USP24: variants seen among roughly 807,000 people sequenced by gnomAD.
The protein encoded by USP24 is ubiquitin specific peptidase 24.
A neutral mutation model predicts 361.6 loss-of-function variants in USP24; 97 were observed. The ratio of observed to expected loss-of-function variants is 0.27; its 90% CI spans 0.23 to 0.32. The LOEUF (loss-of-function observed/expected upper bound fraction) is 0.32. USP24 is among the 10% of genes least tolerant of loss of function. The probability of loss-of-function intolerance (pLI) is 1.00; values close to 1 mark genes in which losing one functional copy is unlikely to be tolerated. For missense variants in USP24, 2,353 were observed against 3,165.6 expected (o/e 0.74, Z 6.16); for synonymous variants, 1,098 against 1,124.6 (o/e 0.98, Z 0.47).
intron 49 of USP24, 136 bp from the exon 50 acceptor site, chr1:55,096,758 C>T: frequency 1.4e-6 from 2 of 1,393,034 alleles, no homozygotes; most frequent in Admixed American, 2.5e-5. Context: ...TATGTAGCAA[C>T]AATTATTTCA....
intron 38 of USP24, among the ~76,000 whole-genome samples, chr1:55,113,753 A>G (rs941988521): frequency 2.0e-5 from 3 of 152,298 alleles, no homozygotes; most frequent in Non-Finnish European, 2.9e-5. Flanking sequence ...TATTGATGGA[A>G]CGTATCTCAA....
intron 51 of USP24, among the ~76,000 whole-genome samples, chr1:55,094,500 T>C (rs565405700): frequency 3.1e-4 from 47 of 152,244 alleles, no homozygotes; most frequent in African/African-American, 1.1e-3. Context: ...GAACAAAGTA[T>C]TGAACCAAGT....
Position 55,068,819 on chromosome 1 carries a change from C to G in USP24, c.*226G>C. ...GTGAATCCACATATAGACCACGCTC[C>G]CGGGACAGCTGATCCACATGCCGGA... On this transcript the variant is annotated 3_prime_UTR_variant, in exon 68 of 68. Coordinates refer to ENST00000294383, the MANE Select transcript of USP24 (RefSeq NM_015306.3). 1 of 561,976 alleles carries G rather than the reference C, an allele frequency of 1.8e-6. No homozygotes were observed. The highest frequency in any genetic ancestry group is 2.9e-5 in the East Asian group (1 of 34,450). 34.8% of individuals were successfully genotyped at this position (561,976 alleles called of 1,614,324 possible). A position where few individuals can be genotyped will look rare whatever the true frequency, so the allele number is the denominator to read the frequency against.
At chr1:55,164,184 G>T (rs1361108546) in intron 7 of USP24, among the ~76,000 whole-genome samples, 1 of 151,608 alleles carries the variant, frequency 6.6e-6, no homozygotes, top group Admixed American at 6.6e-5. Flanking sequence ...TATGTTAAAT[G>T]AAAGTATACA....
intron 59 of USP24, among the ~76,000 whole-genome samples, chr1:55,080,395 C>T (rs1053204317): frequency 6.6e-6 from 1 of 152,138 alleles, no homozygotes; most frequent in Non-Finnish European, 1.5e-5. Context: ...AGTTTCCTGC[C>T]ATTAGATCTT....
At chr1:55,181,907 A>G (rs979029383) in intron 1 of USP24, among the ~76,000 whole-genome samples, 3 of 152,152 alleles carry the variant, frequency 2.0e-5, no homozygotes, top group Non-Finnish European at 2.9e-5. Flanking sequence ...CCCTAATCCA[A>G]TAAAACTTGT....
chr1:55,179,150 C>A (rs1401878500), intron 1 of USP24, among the ~76,000 whole-genome samples: 1 of 152,182 alleles, frequency 6.6e-6, no homozygotes, highest in Non-Finnish European at 1.5e-5. Context: ...AAGTCTCAGT[C>A]CTAACCTTAC....
chr1:55,123,173 C>T (rs923452524), intron 36 of USP24, among the ~76,000 whole-genome samples: 3 of 152,188 alleles, frequency 2.0e-5, no homozygotes, highest in Admixed American at 1.3e-4. Flanking sequence ...TAAATTTGGG[C>T]TCTTTGAATT....
intron 1 of USP24, among the ~76,000 whole-genome samples, chr1:55,180,765 C>T (rs1643942251): frequency 6.6e-6 from 1 of 152,340 alleles, no homozygotes. Flanking sequence ...CTTCACAGCA[C>T]TACTCACAGG....
rs772173773 is a variant in USP24, at chr1:55,125,469, G to A, written c.3811C>T (p.Arg1271Cys). ...TGCCGGCTGACATTTCGGAATGGGC[G>A]GGAAGAAAGTGCTTCTATACCATCT... ...TKDGIEALSS[R>C]PFRNVSRQTS... is the part of the protein sequence containing the mutation. The change falls in exon 34 of 68, where the codon CGC (arginine) becomes TGC (cysteine). Residue 1271 changes from arginine (R) to cysteine (C), a missense_variant. Arg to Cys is a radical substitution (Grantham distance 180, BLOSUM62 -3). Around this residue, in one of 8 missense-constraint regions of USP24, gnomAD observed 949 missense variants for 1,280.5 expected, o/e 0.74. Coordinates refer to ENST00000294383, the MANE Select transcript of USP24 (RefSeq NM_015306.3). The A allele has an allele frequency of 6.8e-6, 11 of 1,613,792 alleles. No individual in the cohort carries two copies. Among genetic ancestry groups the A allele is most frequent in the African/African-American group, 1.3e-5 (1 of 74,872 alleles).
chr1:55,185,932 T>C (rs997172548), intron 1 of USP24, among the ~76,000 whole-genome samples: 2 of 152,270 alleles, frequency 1.3e-5, no homozygotes, highest in Middle Eastern at 3.4e-3. Flanking sequence ...AACAAATGTA[T>C]GCTAACAAAT....
chr1:55,171,944 C>G (rs1371464452), intron 4 of USP24, among the ~76,000 whole-genome samples: 2 of 152,012 alleles, frequency 1.3e-5, no homozygotes, highest in Non-Finnish European at 2.9e-5. Flanking sequence ...TGCCAATGCC[C>G]CAAGTGTGCT....
intron 67 of USP24, among the ~76,000 whole-genome samples, chr1:55,069,775 G>A (rs1181366190): frequency 6.7e-6 from 1 of 148,482 alleles, no homozygotes; most frequent in Non-Finnish European, 1.5e-5. Context: ...GGGAGGCTGA[G>A]GCAAGGAGAA....
At chr1:55,128,527 GC>G (rs1327749407) in intron 32 of USP24, among the ~76,000 whole-genome samples, 2 of 151,820 alleles carry the variant, frequency 1.3e-5, no homozygotes, top group African/African-American at 4.8e-5. Context: ...AGCTTGGAGT[GC>G]CCCTTCCCTC....
chr1:55,073,949 C>G, intron 63 of USP24, 43 bp from the exon 64 acceptor site: 3 of 1,489,672 alleles, frequency 2.0e-6, no homozygotes, highest in South Asian at 2.5e-5. Context: ...AAAGACTCAA[C>G]TGAAAATGGC....
chr1:55,110,162 C>G (rs759483121), intron 39 of USP24, 23 bp downstream of exon 39: 8 of 1,538,236 alleles, frequency 5.2e-6, no homozygotes, highest in Admixed American at 2.0e-5. Flanking sequence ...CCCCTCTCCC[C>G]TACATATTAG....
At chr1:55,079,740 C>G (rs1645104874) in intron 59 of USP24, 81 bp from the exon 60 acceptor site, 2 of 1,294,770 alleles carry the variant, frequency 1.5e-6, no homozygotes, top group Non-Finnish European at 2.1e-6. Context: ...AGAAAATGTG[C>G]CTCCTTCAAG....
rs754434518 is a variant in USP24, at chr1:55,092,920, C to T, written c.6355-4G>A. On this transcript the variant is annotated splice_polypyrimidine_tract_variant and splice_region_variant and intron_variant, in intron 52 of 67. Coordinates refer to ENST00000294383, the MANE Select transcript of USP24 (RefSeq NM_015306.3). ...TGAGGTTCTCATCTCTCACCATCTA[C>T]AAAAGAAGATTAATAATTATTTTTA... 72 of 1,514,602 alleles carry T rather than the reference C, an allele frequency of 4.8e-5. No individual in the cohort carries two copies. The highest frequency in any genetic ancestry group is 1.4e-5 in the Non-Finnish European group (16 of 1,126,764). 93.8% of individuals were successfully genotyped at this position (1,514,602 alleles called of 1,614,324 possible).
At chr1:55,147,863 C>A in intron 17 of USP24, 65 bp from the exon 18 acceptor site, 2 of 1,537,992 alleles carry the variant, frequency 1.3e-6, no homozygotes, top group Non-Finnish European at 1.8e-6. Flanking sequence ...TGGTTTAATA[C>A]AAGCTGCTAT....
Sources: allele counts gnomAD v4.1 joint callset (sites outside exome capture counted in the v4.1 genomes callset), GRCh38; gene constraint gnomAD v4.1.1; regional missense constraint gnomAD v4.1.1; transcripts MANE v1.5; gene names NCBI Gene and HGNC (gene_info 2026-07-23, HGNC 2026-07-21).